Variants in CCDC30 observed in about 807,000 individuals in gnomAD.
The protein encoded by CCDC30 is coiled-coil domain-containing protein 30.
A neutral mutation model predicts 100.2 loss-of-function variants in CCDC30; 70 were observed. The ratio of observed to expected loss-of-function variants is 0.70; its 90% CI spans 0.58 to 0.85. The LOEUF is 0.85. Ranked by LOEUF, CCDC30 falls within the 40% of genes least tolerant of loss-of-function variation. The pLI is 0.00. For synonymous variants in CCDC30, 233 were observed against 269.5 expected (o/e 0.86, Z 1.33); for missense variants, 652 against 771.2 (o/e 0.85, Z 1.83).
At chr1:42,535,710 T>TATATATATATAATATATATA (rs1378841586) in intron 6 of CCDC30, among the ~76,000 whole-genome samples, 1 of 99,648 alleles carries the variant, frequency 1.0e-5, no homozygotes, top group African/African-American at 4.3e-5. Flanking sequence ...ATATATATAT[T>TATATATATATAATATATATA]ATATATATAA....
At chr1:42,456,838 C>G in the CCDC30 span, 2 of 1,613,540 alleles carry the variant, frequency 1.2e-6, no homozygotes, top group African/African-American at 1.3e-5. Flanking sequence ...CTGCCTTCCC[C>G]TATGCCCACC....
At chr1:42,589,514 T>G (rs372165801) in intron 10 of CCDC30, 31 bp downstream of exon 14, 1 of 1,585,968 alleles carries the variant, frequency 6.3e-7, no homozygotes, top group Non-Finnish European at 8.6e-7. Flanking sequence ...GCTTCTCAGT[T>G]TTCCTATTCC....
At chr1:42,640,148 A>G (rs1410511025) in intron 12 of CCDC30, among the ~76,000 whole-genome samples, 1 of 152,210 alleles carries the variant, frequency 6.6e-6, no homozygotes, top group Non-Finnish European at 1.5e-5. Context: ...CAAGGACCAG[A>G]GCACTGAGCA....
intron 5 of CCDC30, among the ~76,000 whole-genome samples, chr1:42,498,032 G>T (rs1246170392): frequency 6.6e-6 from 1 of 152,154 alleles, no homozygotes; most frequent in Non-Finnish European, 1.5e-5. Flanking sequence ...TCAGATGCTC[G>T]TTGATAGAGG....
chr1:42,639,507 C>T (rs917428739), intron 12 of CCDC30, among the ~76,000 whole-genome samples: 1 of 152,190 alleles, frequency 6.6e-6, no homozygotes, highest in Non-Finnish European at 1.5e-5. Context: ...CACAGGTCTT[C>T]ATAAAATGTG....
At chr1:42,502,753 G>T (rs1380161920) in intron 6 of CCDC30, among the ~76,000 whole-genome samples, 1 of 152,040 alleles carries the variant, frequency 6.6e-6, no homozygotes, top group East Asian at 1.9e-4. Context: ...TTTGAATTTG[G>T]CTATCTTGTA....
chr1:42,479,331 G>T (rs1199918640), intron 1 of CCDC30, among the ~76,000 whole-genome samples: 5 of 152,006 alleles, frequency 3.3e-5, no homozygotes, highest in Non-Finnish European at 7.4e-5. Context: ...AGCCAAGGTT[G>T]CACCATTGCA....
intron 3 of CCDC30, among the ~76,000 whole-genome samples, chr1:42,488,915 G>T (rs1242151454): frequency 3.3e-5 from 5 of 152,126 alleles, no homozygotes; most frequent in Non-Finnish European, 5.9e-5. Flanking sequence ...ATGTATCCAG[G>T]TCATATCCCA....
chr1:42,549,026 C>T (rs1017948708), intron 6 of CCDC30, among the ~76,000 whole-genome samples: 9 of 152,124 alleles, frequency 5.9e-5, no homozygotes, highest in African/African-American at 1.9e-4. Context: ...GTAACGGACT[C>T]TTAGAACTGG....
chr1:42,541,148 T>G (rs962158729), intron 6 of CCDC30, among the ~76,000 whole-genome samples: 7 of 152,360 alleles, frequency 4.6e-5, no homozygotes, highest in Admixed American at 4.6e-4. Context: ...ATCAAGATGT[T>G]GGCATATCTG....
At chr1:42,521,354 A>T (rs1644643809) in intron 6 of CCDC30, 1 of 154,582 alleles carries the variant, frequency 6.5e-6, no homozygotes, top group African/African-American at 2.4e-5. Flanking sequence ...AGTTTCTACA[A>T]ATTGTGAATT....
At chr1:42,594,099 C>T (rs1396190701) in intron 10 of CCDC30, 2 of 152,220 alleles carry the variant, frequency 1.3e-5, no homozygotes, top group African/African-American at 4.8e-5. Flanking sequence ...TAAAGACACA[C>T]TGTCTCCATA....
chr1:42,591,002 G>T (rs1279030837), intron 10 of CCDC30: 1 of 152,350 alleles, frequency 6.6e-6, no homozygotes, highest in African/African-American at 2.4e-5. Flanking sequence ...TTTCTAAGCA[G>T]CAAAGCATTC....
intron 6 of CCDC30, among the ~76,000 whole-genome samples, chr1:42,542,081 C>T (rs928287415): frequency 3.3e-5 from 5 of 152,220 alleles, no homozygotes; most frequent in African/African-American, 1.2e-4. Context: ...GCTACTTAAA[C>T]ATGGCTGATT....
intron 6 of CCDC30, among the ~76,000 whole-genome samples, chr1:42,541,014 A>G (rs1645001188): frequency 1.3e-5 from 2 of 152,058 alleles, no homozygotes; most frequent in African/African-American, 4.8e-5. Context: ...GTCTTTTATG[A>G]TTTTGATATT....
chr1:42,539,212 A>C (rs369098834), intron 6 of CCDC30: 2 of 1,608,338 alleles, frequency 1.2e-6, no homozygotes, highest in African/African-American at 2.7e-5. Flanking sequence ...ATGCCTTTAT[A>C]ATGAAGTTCA....
chr1:42,590,118 G>A (rs184949336), intron 10 of CCDC30: 238 of 152,200 alleles, frequency 1.6e-3, no homozygotes, highest in Non-Finnish European at 2.6e-3. Flanking sequence ...GCACCTCTCC[G>A]CTCTCTCTTG....
At chr1:42,464,461 G>A (rs1199971944) in intron 1 of CCDC30, among the ~76,000 whole-genome samples, 1 of 152,188 alleles carries the variant, frequency 6.6e-6, no homozygotes, top group Non-Finnish European at 1.5e-5. Context: ...TTTCTGGAGA[G>A]GAGATGATTG....
rs567857868 is a variant in CCDC30, at chr1:42,579,321, G to A, written c.847-2039G>A. On this transcript the variant is annotated intron_variant, in intron 8 of 16. Transcript: ENST00000668663. The stretch of plus-strand genomic sequence containing the variant: ...ATTTTTAAGAAAGGAAAGGAGAGGC[G>A]AGGCGAGGCAAGTGGCCAGGTGAGG... Among the ~76,000 whole-genome samples the A allele has an allele frequency of 1.1e-4, 17 of 151,868 alleles. No individual in the cohort carries two copies. The East Asian group carries it at 3.2e-3, about 28-fold the overall frequency.
Sources: gnomAD v4.1 joint callset for allele counts (sites outside exome capture counted in the v4.1 genomes callset) on GRCh38, gnomAD v4.1.1 for gene constraint, MANE v1.5 for transcripts, NCBI Gene and HGNC (gene_info 2026-07-23, HGNC 2026-07-21) for gene names.